The following PRKG1 variants were observed in gnomAD, a reference collection of about 807,000 sequenced individuals.
PRKG1 encodes the protein protein kinase cGMP-dependent 1.
Under a neutral mutation model 88.1 loss-of-function variants are expected in PRKG1, and 35 were observed. The observed-to-expected ratio is 0.40, with a 90% CI of 0.30 to 0.53. PRKG1 has a LOEUF of 0.53. Among genes scored for constraint, PRKG1 ranks in the 20% least tolerant of loss-of-function variants. The probability of loss-of-function intolerance (pLI) is 0.59; values close to 1 mark genes in which losing one functional copy is unlikely to be tolerated. For missense variants in PRKG1, 540 were observed against 839.8 expected (o/e 0.64, Z 4.41); for synonymous variants, 303 against 292.5 (o/e 1.04, Z -0.37).
At chr10:52,268,840 G>A (rs1841643172) in intron 10 of PRKG1, among the ~76,000 whole-genome samples, 1 of 152,022 alleles carries the variant, frequency 6.6e-6, no homozygotes, top group Admixed American at 6.6e-5. Context: ...TACAAGCAGA[G>A]TCCATCAATG....
chr10:51,825,583 C>T (rs4935284), intron 4 of PRKG1, among the ~76,000 whole-genome samples: 13,961 of 152,076 alleles, frequency 0.092, 704 homozygotes, highest in African/African-American at 0.11. Flanking sequence ...GTGGTCTGTT[C>T]CTGCCAGTCT....
At chr10:52,252,999 G>T (rs566126227) in intron 10 of PRKG1, among the ~76,000 whole-genome samples, 1 of 152,148 alleles carries the variant, frequency 6.6e-6, no homozygotes, top group African/African-American at 2.4e-5. Flanking sequence ...CATTATACAT[G>T]AACTGCTTTG....
In PRKG1 at chr10:50,991,160, A is replaced by G; in HGVS notation, c.-219A>G. ...CCTCTCCATCGCTTTTAGACTTCTC[A>G]TCCTCCCCTCGGTGCTTTTAGTCCA... is the stretch of plus-strand genomic sequence containing the variant. On this transcript the variant is annotated 5_prime_UTR_variant, in exon 1 of 18. Coordinates refer to the PRKG1 transcript ENST00000401604. This position sits in a 1 kb window ranked among gnomAD's most constrained non-coding sequence, Gnocchi z 4.5. 3 of 578,058 alleles carry G rather than the reference A, an allele frequency of 5.2e-6. No homozygotes were observed. Among genetic ancestry groups the G allele is most frequent in the Non-Finnish European group, 8.6e-6 (3 of 348,464 alleles). The allele number at this position is 578,058 out of a possible 1,614,324, so 35.8% of individuals were successfully genotyped here.
chr10:51,110,747 A>G (rs1226062065), intron 1 of PRKG1, among the ~76,000 whole-genome samples: 1 of 152,104 alleles, frequency 6.6e-6, no homozygotes, highest in Non-Finnish European at 1.5e-5. Context: ...GAGAGCTGCT[A>G]AAAATTAGGA....
chr10:52,242,040 C>T (rs775356752), intron 9 of PRKG1: 3 of 152,158 alleles, frequency 2.0e-5, no homozygotes, highest in Non-Finnish European at 4.4e-5. Context: ...GCAATGAGAG[C>T]TCTGTAGTAA....
intron 3 of PRKG1, among the ~76,000 whole-genome samples, chr10:51,787,575 G>T (rs1838760438): frequency 3.3e-5 from 5 of 152,118 alleles, no homozygotes; most frequent in Admixed American, 2.0e-4. Context: ...TAAGAGTTTA[G>T]AAGTAACTCT....
intron 8 of PRKG1, among the ~76,000 whole-genome samples, chr10:52,144,077 G>A (rs374393136): frequency 3.9e-5 from 6 of 152,266 alleles, no homozygotes; most frequent in Admixed American, 6.5e-5. Context: ...TATAACATGA[G>A]AGCCAAGTTG....
At chr10:51,204,998 T>C (rs538747125) in intron 2 of PRKG1, among the ~76,000 whole-genome samples, 112 of 152,178 alleles carry the variant, frequency 7.4e-4, no homozygotes, top group African/African-American at 2.4e-3. Context: ...GCTTAGATTA[T>C]TGCCTTTCCT....
At chr10:52,164,210 G>T (rs1409345850) in intron 9 of PRKG1, among the ~76,000 whole-genome samples, 1 of 151,946 alleles carries the variant, frequency 6.6e-6, no homozygotes, top group African/African-American at 2.4e-5. Context: ...AATTAGCCAG[G>T]CGTGGTGGTG....
At chr10:52,054,652 A>G (rs1375404083) in intron 6 of PRKG1, 91 bp downstream of exon 6, 3 of 1,080,738 alleles carry the variant, frequency 2.8e-6, no homozygotes, top group African/African-American at 1.6e-5. Flanking sequence ...GTCTTGTGCT[A>G]TATGAGTTTG....
At chr10:51,495,287 G>A (rs564289074) in intron 3 of PRKG1, among the ~76,000 whole-genome samples, 45 of 152,196 alleles carry the variant, frequency 3.0e-4, no homozygotes, top group African/African-American at 9.6e-4. Flanking sequence ...GTAGAGATGT[G>A]TTTCACCATG....
chr10:52,059,583 T>C (rs1846188245), intron 6 of PRKG1, among the ~76,000 whole-genome samples: 2 of 151,896 alleles, frequency 1.3e-5, no homozygotes, highest in Admixed American at 1.3e-4. Context: ...CTCAAAAAGA[T>C]AAAATTAGTT....
intron 1 of PRKG1, among the ~76,000 whole-genome samples, chr10:51,007,082 G>A (rs1194114168): frequency 6.6e-6 from 1 of 151,926 alleles, no homozygotes; most frequent in Non-Finnish European, 1.5e-5. Flanking sequence ...GGGATTACAG[G>A]TGCCCACCAC....
chr10:52,058,072 A>C (rs1399306592), intron 6 of PRKG1, among the ~76,000 whole-genome samples: 1 of 151,958 alleles, frequency 6.6e-6, no homozygotes, highest in African/African-American at 2.4e-5. Flanking sequence ...CATATATATT[A>C]TTAAAATTTA....
intron 2 of PRKG1, among the ~76,000 whole-genome samples, chr10:51,320,885 T>C (rs1427310583): frequency 2.0e-5 from 3 of 152,228 alleles, no homozygotes; most frequent in African/African-American, 4.8e-5. Context: ...TCAAGTATAA[T>C]TGGATTCTAA....
chr10:51,455,926 G>C (rs898265426), intron 2 of PRKG1, among the ~76,000 whole-genome samples: 2 of 152,056 alleles, frequency 1.3e-5, no homozygotes, highest in African/African-American at 4.8e-5. Flanking sequence ...TCACTTCCAC[G>C]TTTTTGGGTA....
intron 10 of PRKG1, chr10:52,252,288 A>C (rs1019100448): frequency 6.6e-6 from 1 of 152,168 alleles, no homozygotes; most frequent in Non-Finnish European, 1.5e-5. Context: ...CATTAAATAC[A>C]TTGCATGAAT....
chr10:51,014,395 T>A (rs1039820842), intron 1 of PRKG1, among the ~76,000 whole-genome samples: 9 of 151,972 alleles, frequency 5.9e-5, no homozygotes, highest in Admixed American at 5.2e-4. Flanking sequence ...GATGGCTTTG[T>A]CTTTATTTTT....
intron 2 of PRKG1, among the ~76,000 whole-genome samples, chr10:51,446,606 T>C (rs949883413): frequency 6.6e-6 from 1 of 152,066 alleles, no homozygotes; most frequent in African/African-American, 2.4e-5. Flanking sequence ...AAGAACCAAA[T>C]TATGTAAAGG....
Sources: allele counts gnomAD v4.1 joint callset (sites outside exome capture counted in the v4.1 genomes callset), GRCh38; gene constraint gnomAD v4.1.1; non-coding constraint Gnocchi (gnomAD v3.1); transcripts MANE v1.5; gene names NCBI Gene and HGNC (gene_info 2026-07-23, HGNC 2026-07-21).